HSF5: variants seen among roughly 807,000 people sequenced by gnomAD.
HSF5 encodes the protein heat shock factor protein 5.
Under a neutral mutation model 50.8 loss-of-function variants are expected in HSF5, and 5 were observed. The observed-to-expected ratio is 0.10, with a 90% CI of 0.05 to 0.21. The LOEUF (loss-of-function observed/expected upper bound fraction) is 0.21. Among genes scored for constraint, HSF5 ranks in the 10% least tolerant of loss-of-function variants. The pLI is 1.00. For missense variants in HSF5, 564 were observed against 762.6 expected, an observed-to-expected ratio of 0.74 and a Z score of 3.07; for synonymous variants, 307 against 307.4, an observed-to-expected ratio of 1.00 and a Z score of 0.02.
chr17:58,447,696 G>A (rs1482643121), intron 5 of HSF5, among the ~76,000 whole-genome samples: 1 of 152,166 alleles, frequency 6.6e-6, no homozygotes, highest in Non-Finnish European at 1.5e-5. Flanking sequence ...ACTGCTGAGT[G>A]GTTACAGTGA....
chr17:58,458,546 G>A (rs1283037188), intron 5 of HSF5, among the ~76,000 whole-genome samples: 1 of 152,016 alleles, frequency 6.6e-6, no homozygotes, highest in African/African-American at 2.4e-5. Flanking sequence ...TATTTTCAAA[G>A]CCCAAATCAT....
At chr17:58,454,076 G>C (rs1974675917) in intron 5 of HSF5, among the ~76,000 whole-genome samples, 1 of 152,082 alleles carries the variant, frequency 6.6e-6, no homozygotes, top group African/African-American at 2.4e-5. Flanking sequence ...CCTGGTGACA[G>C]AGTGAGACTC....
chr17:58,467,393 T>C (rs1040490834), intron 2 of HSF5, among the ~76,000 whole-genome samples: 9 of 152,230 alleles, frequency 5.9e-5, no homozygotes, highest in Non-Finnish European at 1.0e-4. Context: ...AAAATAACTA[T>C]GAAGTATTCT....
chr17:58,437,674 T>C (rs1974443973), intron 5 of HSF5, among the ~76,000 whole-genome samples: 1 of 152,224 alleles, frequency 6.6e-6, no homozygotes, highest in Admixed American at 6.5e-5. Flanking sequence ...GCTAGACATA[T>C]TGTGTTGCAA....
intron 5 of HSF5, among the ~76,000 whole-genome samples, chr17:58,422,886 G>A (rs1598177050): frequency 6.6e-6 from 1 of 151,944 alleles, no homozygotes; most frequent in East Asian, 1.9e-4. Context: ...AGTGGAGACG[G>A]GGTTTCAGCA....
chr17:58,432,525 G>C (rs1299895719), intron 5 of HSF5, among the ~76,000 whole-genome samples: 1 of 152,152 alleles, frequency 6.6e-6, no homozygotes, highest in African/African-American at 2.4e-5. Flanking sequence ...GTAAAGGCTG[G>C]AGCATTCTTG....
intron 3 of HSF5, among the ~76,000 whole-genome samples, chr17:58,464,125 T>G (rs1181204467): frequency 6.6e-6 from 1 of 152,260 alleles, no homozygotes; most frequent in Non-Finnish European, 1.5e-5. Flanking sequence ...TGTAGTGAGT[T>G]GATGCTGCTA....
chr17:58,445,989 T>C (rs892854727), intron 5 of HSF5, among the ~76,000 whole-genome samples: 1 of 151,810 alleles, frequency 6.6e-6, no homozygotes, highest in East Asian at 1.9e-4. Flanking sequence ...TACAAAAAAA[T>C]TAGCCAGGTA....
At chr17:58,447,732 C>A (rs1974579500) in intron 5 of HSF5, among the ~76,000 whole-genome samples, 1 of 152,020 alleles carries the variant, frequency 6.6e-6, no homozygotes, top group African/African-American at 2.4e-5. Context: ...ACTCAACAGG[C>A]AGTCCTCTTT....
Position 58,433,602 on chromosome 17 carries a change from T to A in HSF5, c.1721-11172A>T, listed in dbSNP as rs143286977. On this transcript the variant is annotated intron_variant, in intron 5 of 5. Coordinates refer to ENST00000323777, the MANE Select transcript of HSF5 (RefSeq NM_001080439.3). The stretch of plus-strand genomic sequence containing the variant: ...GTATTCAGTAAAAGAAACTACAGAG[T>A]TGGCCAGTGAAAACTAGGAAAGGGA... 6.6e-4 allele frequency among the ~76,000 whole-genome samples: 101 copies of A among 152,184 alleles called. No homozygotes were observed. In the East Asian group the frequency reaches 0.016, roughly 24 times the overall value.
intron 2 of HSF5, chr17:58,476,988 G>C (rs1018818017): frequency 1.2e-5 from 7 of 605,962 alleles, no homozygotes; most frequent in African/African-American, 1.1e-4. Context: ...GGAAGGGAAG[G>C]CTAAGGGAAC....
At chr17:58,483,328 GA>G (rs887997576) in intron 1 of HSF5, among the ~76,000 whole-genome samples, 38 of 152,216 alleles carry the variant, frequency 2.5e-4, no homozygotes, top group African/African-American at 8.4e-4. Context: ...ACACAGTCAA[GA>G]TTAAAAGAAC....
chr17:58,434,795 G>C (rs1974405865), intron 5 of HSF5, among the ~76,000 whole-genome samples: 1 of 152,220 alleles, frequency 6.6e-6, no homozygotes, highest in Non-Finnish European at 1.5e-5. Flanking sequence ...CGAGGTTGCA[G>C]TGAGCTGTAT....
chr17:58,443,600 C>T (rs574348904), intron 5 of HSF5, among the ~76,000 whole-genome samples: 145 of 152,292 alleles, frequency 9.5e-4, no homozygotes, highest in Middle Eastern at 6.8e-3. Context: ...TGTCTCTGAA[C>T]CTTTGAATAT....
intron 5 of HSF5, among the ~76,000 whole-genome samples, chr17:58,444,603 T>C (rs1449836397): frequency 1.3e-5 from 2 of 152,184 alleles, no homozygotes; most frequent in Non-Finnish European, 2.9e-5. Context: ...AAGACCTAAA[T>C]GTAAGACTTA....
intron 2 of HSF5, chr17:58,476,724 G>A (rs892011594): frequency 9.4e-6 from 15 of 1,593,046 alleles, no homozygotes; most frequent in Non-Finnish European, 1.2e-5. Flanking sequence ...GGATTTTGGC[G>A]ATCAATTCTG....
At chr17:58,471,868 T>C (rs1974948802) in intron 2 of HSF5, among the ~76,000 whole-genome samples, 2 of 152,208 alleles carry the variant, frequency 1.3e-5, no homozygotes, top group South Asian at 4.1e-4. Context: ...TTATTTACTT[T>C]TTTGAGACAG....
In HSF5 at chr17:58,487,768, G is replaced by A; in HGVS notation, c.507C>T (p.His169=). The A allele has an allele frequency of 1.4e-6, 2 of 1,467,436 alleles. No homozygotes were observed. Among genetic ancestry groups the A allele is most frequent in the Non-Finnish European group, 8.9e-7 (1 of 1,119,832 alleles). The allele number at this position is 1,467,436 out of a possible 1,614,324, so 90.9% of individuals were successfully genotyped here. Residue 169 remains histidine (H), a synonymous_variant, in exon 1 of 6, where the codon CAC becomes CAT. Transcript: ENST00000323777. Reference sequence around the variant, plus strand: ...GCCCCGCGGGCGGCGGCGGCTGCTGGTGCTGCAGTGGCGCGGTGGCGGCGG... The same window carrying A: ...GCCCCGCGGGCGGCGGCGGCTGCTGATGCTGCAGTGGCGCGGTGGCGGCGG... ...SASAATAPLQ[H]QQPPPPAGPR...
chr17:58,428,681 C>T (rs1354437703), intron 5 of HSF5, among the ~76,000 whole-genome samples: 10 of 151,864 alleles, frequency 6.6e-5, no homozygotes, highest in Admixed American at 3.3e-4. Flanking sequence ...AAAACCACAA[C>T]GAATTACACC....
Sources: gnomAD v4.1 joint callset for allele counts (sites outside exome capture counted in the v4.1 genomes callset) on GRCh38, gnomAD v4.1.1 for gene constraint, MANE v1.5 for transcripts, NCBI Gene and HGNC (gene_info 2026-07-23, HGNC 2026-07-21) for gene names.